The following DGKB variants were observed in gnomAD, a reference collection of about 807,000 sequenced individuals.
DGKB encodes the protein diacylglycerol kinase beta.
A neutral mutation model predicts 114.3 loss-of-function variants in DGKB; 67 were observed. The observed-to-expected ratio is 0.59, with a 90% CI of 0.48 to 0.72. The LOEUF is 0.72. DGKB is among the 30% of genes least tolerant of loss of function. The pLI, the probability that DGKB is intolerant of heterozygous loss-of-function variation, is 0.00. For synonymous variants in DGKB, 398 were observed against 323.1 expected, an observed-to-expected ratio of 1.23 and a Z score of -2.49; for missense variants, 907 against 975.2, an observed-to-expected ratio of 0.93 and a Z score of 0.93.
intron 21 of DGKB, among the ~76,000 whole-genome samples, chr7:14,370,719 T>C (rs569651168): frequency 2.0e-5 from 3 of 152,228 alleles, no homozygotes; most frequent in South Asian, 2.1e-4. Context: ...GTCTGTTACA[T>C]GGGTATATTG....
intron 23 of DGKB, among the ~76,000 whole-genome samples, chr7:14,232,517 G>A (rs970894696): frequency 6.6e-6 from 1 of 151,654 alleles, no homozygotes; most frequent in Non-Finnish European, 1.5e-5. Flanking sequence ...GAATCTCATG[G>A]CACTATATCC....
rs763618216 is a variant in DGKB, at chr7:14,682,608, G to C, written c.980C>G (p.Thr327Ser). Residue 327 changes from threonine (T) to serine (S), a missense_variant, in exon 12 of 26, where the codon ACT (threonine) becomes AGT (serine). Thr to Ser is a moderately conservative substitution (Grantham distance 58). Transcript: ENST00000402815. ...TGTCAGGCCCTGGTAACATTTAACA[G>C]TTTTGTGGCACTTATCACACTTGGT... ...CPTKCDKCHK[T>S]VKCYQGLTGL... is the part of the protein sequence containing the mutation. 2 of 1,613,468 alleles carry C rather than the reference G, an allele frequency of 1.2e-6. No individual in the cohort carries two copies. The highest frequency in any genetic ancestry group is 3.3e-5 in the Admixed American group (2 of 59,978).
At chr7:14,830,407 T>G in intron 2 of DGKB, among the ~76,000 whole-genome samples, 1 of 151,964 alleles carries the variant, frequency 6.6e-6, no homozygotes, top group East Asian at 1.9e-4. Flanking sequence ...ATACCATGAC[T>G]ATTCTCTAAT....
intron 9 of DGKB, among the ~76,000 whole-genome samples, chr7:14,687,117 C>T (rs1007101716): frequency 2.0e-5 from 3 of 152,128 alleles, no homozygotes; most frequent in African/African-American, 7.2e-5. Context: ...CCCACTCTGT[C>T]GTTCCCATGA....
intron 5 of DGKB, among the ~76,000 whole-genome samples, chr7:14,722,700 T>C (rs746574640): frequency 3.3e-5 from 5 of 151,116 alleles, no homozygotes; most frequent in Admixed American, 2.0e-4. Context: ...TAGTCCCAGA[T>C]ACTTGGGAGG....
intron 16 of DGKB, among the ~76,000 whole-genome samples, chr7:14,610,568 T>C (rs936384442): frequency 2.0e-5 from 3 of 152,114 alleles, no homozygotes; most frequent in Non-Finnish European, 2.9e-5. Context: ...TTTATATACA[T>C]GTGAAAATAT....
chr7:14,786,000 C>A (rs1339382282), intron 2 of DGKB, among the ~76,000 whole-genome samples: 1 of 150,892 alleles, frequency 6.6e-6, no homozygotes, highest in Admixed American at 6.6e-5. Context: ...TTTTTATATT[C>A]CTTGGCAGAA....
At chr7:14,742,283 C>A (rs1463730892) in intron 4 of DGKB, among the ~76,000 whole-genome samples, 1 of 152,176 alleles carries the variant, frequency 6.6e-6, no homozygotes, top group African/African-American at 2.4e-5. Flanking sequence ...AATGAAAAAT[C>A]TTACAACTAC....
At chr7:14,888,600 T>C (rs1393786225) in intron 1 of DGKB, among the ~76,000 whole-genome samples, 2 of 151,752 alleles carry the variant, frequency 1.3e-5, no homozygotes, top group African/African-American at 4.8e-5. Context: ...ATGCCACTGG[T>C]AGATTTAAAA....
chr7:14,809,243 G>A (rs1412584589), intron 2 of DGKB, among the ~76,000 whole-genome samples: 2 of 152,092 alleles, frequency 1.3e-5, no homozygotes, highest in Non-Finnish European at 2.9e-5. Flanking sequence ...TGTACAGACT[G>A]TGATTTAATT....
chr7:14,779,364 G>A (rs929668534), intron 2 of DGKB, among the ~76,000 whole-genome samples: 1 of 151,576 alleles, frequency 6.6e-6, no homozygotes, highest in Admixed American at 6.6e-5. Context: ...GGTGAAACCT[G>A]GTCTCTATAA....
chr7:14,319,731 G>A (rs1807370616), intron 23 of DGKB, among the ~76,000 whole-genome samples: 1 of 152,196 alleles, frequency 6.6e-6, no homozygotes, highest in Admixed American at 6.5e-5. Context: ...ATCCTCTAAA[G>A]AGTCAATTCA....
rs1414184778 is a variant in DGKB at position 14,384,432 on chromosome 7, A to G, written c.1836-39041T>C. The stretch of plus-strand genomic sequence containing the variant: ...GCTGCTTTCACTCTATATCGGCAGA[A>G]CCGAGTAATTGTATTAGATACCCCC... On this transcript the variant is annotated intron_variant, in intron 21 of 25. Transcript: ENST00000402815. Among the ~76,000 whole-genome samples, 4 of 152,268 alleles carry G rather than the reference A, an allele frequency of 2.6e-5. No homozygotes were observed. In the East Asian group the frequency reaches 7.7e-4, roughly 29 times the overall value.
chr7:14,343,188 C>CACAA (rs903813902), intron 22 of DGKB, among the ~76,000 whole-genome samples: 1 of 151,100 alleles, frequency 6.6e-6, no homozygotes. Flanking sequence ...CACACACACA[C>CACAA]ACACACACAC....
intron 1 of DGKB, among the ~76,000 whole-genome samples, chr7:14,943,329 C>T (rs1400421979): frequency 4.8e-5 from 7 of 146,736 alleles, no homozygotes; most frequent in Admixed American, 4.1e-4. Flanking sequence ...CATAATATGC[C>T]ATAAGAAAAA....
At position 14,230,277 on chromosome 7, in the gene DGKB, G is replaced by C. The variant is rs76528756; in HGVS notation, c.2123-52126C>G. The stretch of plus-strand genomic sequence containing the variant: ...CATATGATTTCTCTTTCTAGAAAAT[G>C]TGACTTCACATAAATTGATGAATGC... On this transcript the variant is annotated intron_variant, in intron 23 of 25. Transcript: ENST00000402815. Among the ~76,000 whole-genome samples, 192 of 152,088 alleles carry C rather than the reference G, an allele frequency of 1.3e-3. 1 individual carries two copies. The highest frequency in any genetic ancestry group is 4.5e-3 in the African/African-American group (185 of 41,546).
intron 1 of DGKB, among the ~76,000 whole-genome samples, chr7:14,866,421 C>A (rs953482582): frequency 1.3e-5 from 2 of 152,166 alleles, no homozygotes; most frequent in African/African-American, 4.8e-5. Flanking sequence ...TCCCCACAAC[C>A]CTTTGCAAAC....
chr7:14,567,215 TTATATATA>T (rs1242970139), intron 20 of DGKB, among the ~76,000 whole-genome samples: 3 of 71,806 alleles, frequency 4.2e-5, no homozygotes, highest in African/African-American at 6.4e-5. Context: ...TATTATATAT[TTATATATA>T]ATATATATAA....
At chr7:14,922,936 A>T (rs541658567) in intron 1 of DGKB, among the ~76,000 whole-genome samples, 2 of 152,326 alleles carry the variant, frequency 1.3e-5, no homozygotes, top group African/African-American at 4.8e-5. Flanking sequence ...TATGCAGTCA[A>T]TAGAGCACTA....
Sources: gnomAD v4.1 joint callset for allele counts (sites outside exome capture counted in the v4.1 genomes callset) on GRCh38, gnomAD v4.1.1 for gene constraint, MANE v1.5 for transcripts, NCBI Gene and HGNC (gene_info 2026-07-23, HGNC 2026-07-21) for gene names.